Variants in SYMPK observed in about 807,000 individuals in gnomAD.
SYMPK encodes the protein symplekin scaffold protein, also known as symplekin.
Under a neutral mutation model 136.4 loss-of-function variants are expected in SYMPK, and 49 were observed. The ratio of observed to expected loss-of-function variants is 0.36; its 90% CI spans 0.29 to 0.46. The LOEUF (loss-of-function observed/expected upper bound fraction) is 0.46. SYMPK is among the 20% of genes least tolerant of loss of function. The pLI, the probability that SYMPK is intolerant of heterozygous loss-of-function variation, is 1.00. For synonymous variants in SYMPK, 766 were observed against 713.0 expected (o/e 1.07, Z -1.19); for missense variants, 1,365 against 1,690.0 (o/e 0.81, Z 3.37).
At chr19:45,817,838 C>T in intron 23 of SYMPK, 121 bp downstream of exon 23, 5 of 1,049,422 alleles carry the variant, frequency 4.8e-6, no homozygotes, top group Non-Finnish European at 6.7e-6. Context: ...TGGCAGGAGG[C>T]AGAGCAGAGC....
At chr19:45,842,518 T>C in intron 8 of SYMPK, 29 bp from the exon 9 acceptor site, 1 of 1,596,448 alleles carries the variant, frequency 6.3e-7, no homozygotes, top group Non-Finnish European at 8.6e-7. Context: ...GAGCTGTGTC[T>C]TGTGGAAGAT....
chr19:45,849,581 G>A (rs1035935317), intron 5 of SYMPK, among the ~76,000 whole-genome samples: 2 of 152,166 alleles, frequency 1.3e-5, no homozygotes, highest in Non-Finnish European at 1.5e-5. Flanking sequence ...GGAATAATAC[G>A]TTTTTGCTCA....
At chr19:45,825,047 G>A (rs1317832659) in intron 18 of SYMPK, 124 bp downstream of exon 18, 62 of 1,265,382 alleles carry the variant, frequency 4.9e-5, no homozygotes, top group South Asian at 2.0e-4. Flanking sequence ...AGCCTGGGTC[G>A]GCCCGGGGTG....
rs1971626727 is a variant in SYMPK, at chr19:45,848,817, T to C, written c.359A>G (p.Asp120Gly). 6.2e-7 allele frequency: 1 copy of C among 1,613,920 alleles called. No individual in the cohort carries two copies. The highest frequency in any genetic ancestry group is 1.7e-5 in the Admixed American group (1 of 59,992). ...CTTCTTCACCACGTTCACATTCTCG[T>C]CCCTCAAGAGCATGTTGAGGTTTGC... ...LIANLNMLLR[D>G]ENVNVVKKAI... The change falls in exon 6 of 27, where the codon GAC becomes GGC. Residue 120 changes from aspartate to glycine, a missense_variant. This residue lies in a region of SYMPK where 237 missense variants were observed against 292.9 expected (regional missense o/e 0.81). Transcript: ENST00000245934.
At chr19:45,828,884 G>A (rs3826893) in intron 14 of SYMPK, 86 bp downstream of exon 14, 129,185 of 1,334,920 alleles carry the variant, frequency 0.097, 8,869 homozygotes, top group East Asian at 0.39. Context: ...GTGACGAAGA[G>A]GGAGGTGGTC....
rs539784069 is a variant in SYMPK, at chr19:45,820,529, G to A, written c.2893+855C>T. 4 of 152,524 alleles carry A rather than the reference G, an allele frequency of 2.6e-5. No individual in the cohort carries two copies. In the East Asian group the frequency reaches 7.7e-4, roughly 29 times the overall value. 9.4% of individuals were successfully genotyped at this position (152,524 alleles called of 1,614,324 possible). A position where few individuals can be genotyped will look rare whatever the true frequency, so the allele number is the denominator to read the frequency against. On this transcript the variant is annotated intron_variant, in intron 22 of 26. Transcript: ENST00000245934. ...GAGAGGAAGCCCCTTCCCGTCTGAG[G>A]GTGAGAAGAGAAATCAAAGGACAGC...
intron 7 of SYMPK, among the ~76,000 whole-genome samples, chr19:45,847,409 G>A (rs1214268085): frequency 6.7e-6 from 1 of 149,846 alleles, no homozygotes; most frequent in Non-Finnish European, 1.5e-5. Flanking sequence ...GGGCGACAGA[G>A]GAAGACTCCA....
At chr19:45,839,306 C>A (rs974814675) in intron 9 of SYMPK, among the ~76,000 whole-genome samples, 6 of 152,168 alleles carry the variant, frequency 3.9e-5, no homozygotes, top group South Asian at 2.1e-4. Context: ...TTAAAGGAAA[C>A]CAGGGTTCCT....
At chr19:45,834,058 C>T (rs942142073) in intron 11 of SYMPK, among the ~76,000 whole-genome samples, 1 of 151,974 alleles carries the variant, frequency 6.6e-6, no homozygotes, top group Non-Finnish European at 1.5e-5. Context: ...GAGGCCAAGG[C>T]GGGTGGATCA....
chr19:45,834,896 T>C (rs536705103), intron 11 of SYMPK, among the ~76,000 whole-genome samples, 182 bp downstream of exon 11: 3 of 152,228 alleles, frequency 2.0e-5, no homozygotes, highest in African/African-American at 7.2e-5. Context: ...CCCAGGTCTG[T>C]TGGATTCCAA....
intron 9 of SYMPK, among the ~76,000 whole-genome samples, chr19:45,840,312 CAAAAAAAAAA>C (rs546768442): frequency 3.3e-4 from 19 of 57,140 alleles, no homozygotes; most frequent in Admixed American, 4.6e-4. Context: ...GAGACTGTCT[CAAAAAAAAAA>C]AAAAAAAAAA....
Position 45,821,415 on chromosome 19 carries a change from G to A in SYMPK, c.2862C>T (p.Ser954=), listed in dbSNP as rs777582709. 5 of 1,613,964 alleles carry A rather than the reference G, an allele frequency of 3.1e-6. No individual in the cohort carries two copies. The highest frequency in any genetic ancestry group is 2.7e-5 in the African/African-American group (2 of 74,896). Residue 954 remains serine (S), a synonymous_variant, in exon 22 of 27, where the codon TCC becomes TCT. Coordinates refer to ENST00000245934, the MANE Select transcript of SYMPK (RefSeq NM_004819.3). This position sits in a 1 kb window ranked among gnomAD's most constrained non-coding sequence, Gnocchi z 4.4. The part of the protein sequence containing the change: ...ELLIALHNID[S]VKCDMKSIIK... ...TGATGGATTTCATGTCGCACTTCAC[G>A]GAGTCAATGTTGTGTAATGCGATCA...
intron 10 of SYMPK, among the ~76,000 whole-genome samples, chr19:45,838,226 C>T (rs1971351816): frequency 6.6e-6 from 1 of 152,026 alleles, no homozygotes. Context: ...ATGCCTGCTC[C>T]CCCTTCACCT....
intron 13 of SYMPK, 64 bp from the exon 14 acceptor site, chr19:45,829,269 C>A: frequency 2.1e-6 from 3 of 1,406,764 alleles, no homozygotes; most frequent in South Asian, 2.5e-5. Flanking sequence ...CGCAATCGTG[C>A]CCTGCGACTT....
chr19:45,852,083 A>G (rs2146341420), intron 5 of SYMPK, among the ~76,000 whole-genome samples: 1 of 152,370 alleles, frequency 6.6e-6, no homozygotes, highest in East Asian at 1.9e-4. Context: ...TGGAGCCCAC[A>G]GTCCTTAGTG....
intron 8 of SYMPK, among the ~76,000 whole-genome samples, chr19:45,843,631 C>G (rs959935210): frequency 6.6e-6 from 1 of 152,080 alleles, no homozygotes; most frequent in Non-Finnish European, 1.5e-5. Context: ...GGGTCCACCA[C>G]GGAGCTACAT....
At chr19:45,816,358 G>A in intron 25 of SYMPK, 124 bp downstream of exon 25, 2 of 1,343,680 alleles carry the variant, frequency 1.5e-6, no homozygotes, top group Non-Finnish European at 2.0e-6. Flanking sequence ...TGGGAGACGG[G>A]TGGCCCAGAG....
chr19:45,857,172 G>C (rs1448783550), intron 1 of SYMPK, among the ~76,000 whole-genome samples: 1 of 151,694 alleles, frequency 6.6e-6, no homozygotes, highest in Non-Finnish European at 1.5e-5. Context: ...ACTTTGGGAG[G>C]CCAAGGCGGA....
At position 45,830,138 on chromosome 19, in the gene SYMPK, A is replaced by G. The variant is rs897186231; in HGVS notation, c.1665T>C (p.Asp555=). ...CCAGCTTCATGGCTTCCACCTGGGC[A>G]TCGGTAAGGGGCTTCAGCACGTCGC... ...RLSDVLKPLT[D]AQVEAMKLGA... The change falls in exon 13 of 27, where the codon GAT becomes GAC. Residue 555 remains aspartate (D), a synonymous_variant. Coordinates refer to ENST00000245934, the MANE Select transcript of SYMPK (RefSeq NM_004819.3). The G allele has an allele frequency of 1.2e-6, 2 of 1,603,330 alleles. No individual in the cohort carries two copies. The highest frequency in any genetic ancestry group is 2.7e-5 in the African/African-American group (2 of 74,648).
Sources: gnomAD v4.1 joint callset for allele counts (sites outside exome capture counted in the v4.1 genomes callset) on GRCh38, gnomAD v4.1.1 for gene constraint, gnomAD v4.1.1 regional missense constraint, Gnocchi (gnomAD v3.1) non-coding constraint, MANE v1.5 for transcripts, NCBI Gene and HGNC (gene_info 2026-07-23, HGNC 2026-07-21) for gene names.